VSIG10: variants seen among roughly 807,000 people sequenced by gnomAD.
The protein encoded by VSIG10 is V-set and immunoglobulin domain containing 10.
In VSIG10, 48 loss-of-function variants were observed where a neutral mutation model predicts 58.7. The observed-to-expected ratio is 0.82, with a 90% CI of 0.65 to 1.04. The LOEUF (loss-of-function observed/expected upper bound fraction) is 1.04, where lower values mean the gene tolerates loss of function less well. Among genes scored for constraint, VSIG10 ranks in the 50% least tolerant of loss-of-function variants. The probability of loss-of-function intolerance (pLI) is 0.00; values close to 1 mark genes in which losing one functional copy is unlikely to be tolerated. For synonymous variants in VSIG10, 260 were observed against 267.1 expected, an observed-to-expected ratio of 0.97 and a Z score of 0.26; for missense variants, 628 against 670.0, an observed-to-expected ratio of 0.94 and a Z score of 0.69.
At chr12:118,090,655 TCTC>T (rs1030093769) in intron 2 of VSIG10, among the ~76,000 whole-genome samples, 13 of 152,242 alleles carry the variant, frequency 8.5e-5, no homozygotes, top group African/African-American at 2.9e-4. Context: ...GCAGAATTCT[TCTC>T]CTTTTATTTT....
At chr12:118,094,249 C>T (rs1183843581) in intron 2 of VSIG10, among the ~76,000 whole-genome samples, 3 of 152,112 alleles carry the variant, frequency 2.0e-5, no homozygotes, top group Admixed American at 6.6e-5. Flanking sequence ...CACACCACCG[C>T]ACCTGGCTTT....
At chr12:118,101,245 AAC>A (rs1448621308) in intron 1 of VSIG10, among the ~76,000 whole-genome samples, 1 of 152,188 alleles carries the variant, frequency 6.6e-6, no homozygotes, top group East Asian at 1.9e-4. Flanking sequence ...AGTGGAAAAG[AAC>A]ACAGTCATCG....
At chr12:118,078,324 A>T (rs2032807990) in intron 4 of VSIG10, among the ~76,000 whole-genome samples, 1 of 151,760 alleles carries the variant, frequency 6.6e-6, no homozygotes, top group African/African-American at 2.4e-5. Flanking sequence ...ACGCCCAACT[A>T]ATTTTTGTAT....
At chr12:118,088,324 G>A (rs6490165) in intron 2 of VSIG10, among the ~76,000 whole-genome samples, 44 of 151,622 alleles carry the variant, frequency 2.9e-4, no homozygotes, top group African/African-American at 9.7e-4. Flanking sequence ...GAATCCCATC[G>A]CTGGCTTAAC....
chr12:118,087,836 T>TAAAAAAAAA (rs1592880436), intron 2 of VSIG10, among the ~76,000 whole-genome samples: 1 of 18,060 alleles, frequency 5.5e-5, no homozygotes. Context: ...AGATCCTGTC[T>TAAAAAAAAA]CAAAAAAAAA....
chr12:118,095,500 T>C (rs1191659729), intron 2 of VSIG10, 33 bp downstream of exon 2: 1 of 1,609,504 alleles, frequency 6.2e-7, no homozygotes, highest in African/African-American at 1.3e-5. Flanking sequence ...TCCGAGCACC[T>C]CTCCAGCCCC....
chr12:118,073,931 A>G lies in VSIG10; in HGVS notation c.987T>C (p.Leu329=). Residue 329 remains leucine (L), a synonymous_variant, in exon 5 of 9, where the codon CTT becomes CTC. Coordinates refer to ENST00000359236, the MANE Select transcript of VSIG10 (RefSeq NM_019086.6). Reference sequence around the variant, plus strand: ...GGTAGGCCCCAGACACCTGGCATGTAAGCGTCACATTGCCCCCAGTGAAGC... The same window carrying G: ...GGTAGGCCCCAGACACCTGGCATGTGAGCGTCACATTGCCCCCAGTGAAGC... ...KTCFTGGNVT[L]TCQVSGAYPP... is the part of the protein sequence containing the mutation. 1.2e-6 allele frequency: 2 copies of G among 1,610,876 alleles called. No homozygotes were observed. The highest frequency in any genetic ancestry group is 1.1e-5 in the South Asian group (1 of 90,678).
intron 7 of VSIG10, among the ~76,000 whole-genome samples, chr12:118,069,404 TTTCTTC>T (rs927180127): frequency 1.5e-5 from 2 of 135,646 alleles, no homozygotes; most frequent in Non-Finnish European, 3.0e-5. Flanking sequence ...GGACTGTGCA[TTTCTTC>T]TTCTTCTTCT....
chr12:118,068,648 C>A, intron 7 of VSIG10, 51 bp from the exon 8 acceptor site: 1 of 1,482,956 alleles, frequency 6.7e-7, no homozygotes, highest in Non-Finnish European at 9.0e-7. Flanking sequence ...TTTTTCCCAA[C>A]TTCAGCCCTC....
intron 5 of VSIG10, among the ~76,000 whole-genome samples, chr12:118,072,976 TG>T (rs1245649388): frequency 6.6e-6 from 1 of 152,222 alleles, no homozygotes; most frequent in Non-Finnish European, 1.5e-5. Flanking sequence ...AAAGTTCTAT[TG>T]CTATTTTCTT....
intron 2 of VSIG10, among the ~76,000 whole-genome samples, chr12:118,092,003 G>A (rs746991486): frequency 2.6e-5 from 4 of 151,976 alleles, no homozygotes; most frequent in African/African-American, 4.8e-5. Context: ...TGATCTGCCC[G>A]CCTCGGCCTC....
chr12:118,077,342 T>C (rs2032769434), intron 4 of VSIG10, among the ~76,000 whole-genome samples: 1 of 152,158 alleles, frequency 6.6e-6, no homozygotes, highest in Non-Finnish European at 1.5e-5. Context: ...GAGACCTCCC[T>C]GCCACCCTAG....
intron 2 of VSIG10, among the ~76,000 whole-genome samples, chr12:118,094,934 TCA>T (rs1434889133): frequency 1.4e-5 from 2 of 143,406 alleles, no homozygotes; most frequent in African/African-American, 2.6e-5. Context: ...AGACGGAGTC[TCA>T]CTCTGTTGCC....
At chr12:118,086,119 C>T (rs2033119086) in intron 2 of VSIG10, among the ~76,000 whole-genome samples, 1 of 149,372 alleles carries the variant, frequency 6.7e-6, no homozygotes, top group African/African-American at 2.5e-5. Context: ...GATTGCACCA[C>T]TGCACTCCAG....
rs1186556773 is a variant in VSIG10, at chr12:118,071,081, G to A, written c.1331-14C>T. ...AAGTGTTTCCTACTGAAGAGAGAAA[G>A]GAAAAACCATTAATATCCAGTAACA... On this transcript the variant is annotated splice_polypyrimidine_tract_variant and intron_variant, in intron 6 of 8. Transcript: ENST00000359236. 1.3e-6 allele frequency: 2 copies of A among 1,592,996 alleles called. No individual in the cohort carries two copies. The highest frequency in any genetic ancestry group is 4.5e-5 in the East Asian group (2 of 44,376).
chr12:118,089,168 C>T (rs568461801), intron 2 of VSIG10, among the ~76,000 whole-genome samples: 56 of 152,088 alleles, frequency 3.7e-4, no homozygotes, highest in African/African-American at 1.3e-3. Flanking sequence ...AGGCTGGTCT[C>T]AAACTCCTGA....
At position 118,068,306 on chromosome 12, in the gene VSIG10, A is replaced by T. The variant is rs1364204360; in HGVS notation, c.1567+71T>A. On this transcript the variant is annotated intron_variant, in intron 8 of 8. Transcript: ENST00000359236. ...CACCTTGGCCTCCCAAAGTGCTGGG[A>T]TTATAGGCGTGAGCCAACGCGCCTT... is the stretch of plus-strand genomic sequence containing the variant. 11 of 1,506,810 alleles carry T rather than the reference A, an allele frequency of 7.3e-6. No homozygotes were observed. The African/African-American group carries it at 1.6e-4, about 22-fold the overall frequency. 93.3% of individuals were successfully genotyped at this position (1,506,810 alleles called of 1,614,324 possible).
intron 2 of VSIG10, among the ~76,000 whole-genome samples, chr12:118,094,362 C>A (rs147611842): frequency 1.3e-3 from 195 of 151,820 alleles, no homozygotes; most frequent in African/African-American, 4.4e-3. Flanking sequence ...ATGCCAGGAG[C>A]CTTTTAAAGC....
At chr12:118,075,152 GTATATATA>G (rs896702384) in intron 4 of VSIG10, among the ~76,000 whole-genome samples, 24 of 114,222 alleles carry the variant, frequency 2.1e-4, no homozygotes, top group Admixed American at 7.6e-4. Context: ...ATGTGTATAT[GTATATATA>G]TGTATATATA....
Sources: gnomAD v4.1 joint callset for allele counts (sites outside exome capture counted in the v4.1 genomes callset) on GRCh38, gnomAD v4.1.1 for gene constraint, MANE v1.5 for transcripts, NCBI Gene and HGNC (gene_info 2026-07-23, HGNC 2026-07-21) for gene names.